Variants in DOCK5 observed in about 807,000 individuals in gnomAD.
DOCK5 encodes dedicator of cytokinesis protein 5.
DOCK5 carries 142 observed loss-of-function variants against 251.8 expected under a neutral mutation model. That is an observed-to-expected ratio of 0.56 (90% CI 0.49 to 0.65). The LOEUF is 0.65. Ranked by LOEUF, DOCK5 falls within the 30% of genes least tolerant of loss-of-function variation. DOCK5 has a pLI of 0.00. For synonymous variants in DOCK5, 842 were observed against 835.5 expected (o/e 1.01, Z -0.13); for missense variants, 2,111 against 2,312.3 (o/e 0.91, Z 1.79).
intron 23 of DOCK5, 130 bp downstream of exon 23, chr8:25,341,118 T>C (rs1805945852): frequency 3.3e-6 from 2 of 608,886 alleles, no homozygotes; most frequent in Non-Finnish European, 5.6e-6. Context: ...TGAATTTTAG[T>C]ATGATTTACA....
chr8:25,374,675 G>A (rs1308373238), intron 37 of DOCK5, 21 bp downstream of exon 37: 4 of 1,613,652 alleles, frequency 2.5e-6, no homozygotes, highest in Non-Finnish European at 3.4e-6. Context: ...CAGAGAGCTT[G>A]TTTCAACAGG....
At chr8:25,400,070 T>G in intron 46 of DOCK5, 76 bp downstream of exon 46, 1 of 1,167,366 alleles carries the variant, frequency 8.6e-7, no homozygotes, top group South Asian at 1.3e-5. Flanking sequence ...GGCTTAAGTC[T>G]ACAAGCCCAC....
chr8:25,299,238 T>TA (rs1804695814), intron 8 of DOCK5, 137 bp downstream of exon 8: 3 of 996,070 alleles, frequency 3.0e-6, no homozygotes, highest in African/African-American at 1.7e-5. Flanking sequence ...CAGTAGAATG[T>TA]AAAATCATAT....
intron 11 of DOCK5, among the ~76,000 whole-genome samples, chr8:25,307,986 C>T (rs1563196566): frequency 6.6e-6 from 1 of 152,128 alleles, no homozygotes; most frequent in Non-Finnish European, 1.5e-5. Flanking sequence ...TATAGCAATC[C>T]CATTTGCCAG....
intron 1 of DOCK5, among the ~76,000 whole-genome samples, chr8:25,228,315 T>C (rs1802581590): frequency 6.6e-6 from 1 of 152,204 alleles, no homozygotes; most frequent in Non-Finnish European, 1.5e-5. Flanking sequence ...TTAATACCCA[T>C]ACATGATGCA....
At chr8:25,402,767 C>T (rs771973393) in intron 47 of DOCK5, among the ~76,000 whole-genome samples, 17 of 152,028 alleles carry the variant, frequency 1.1e-4, no homozygotes, top group Non-Finnish European at 1.0e-4. Flanking sequence ...ATTCTTAAAC[C>T]CCTTATTTTC....
intron 1 of DOCK5, among the ~76,000 whole-genome samples, chr8:25,236,590 A>AT (rs1043331929): frequency 2.6e-4 from 40 of 151,322 alleles, no homozygotes; most frequent in Admixed American, 1.2e-3. Context: ...TCTTTTTTTT[A>AT]TTTTTTTTGA....
At chr8:25,380,223 C>A (rs2117300277) in intron 38 of DOCK5, 82 bp from the exon 39 acceptor site, 2 of 1,274,258 alleles carry the variant, frequency 1.6e-6, no homozygotes, top group East Asian at 5.1e-5. Flanking sequence ...TGCTCATTCC[C>A]AGTGACTCGC....
chr8:25,266,889 G>A (rs898644084), intron 2 of DOCK5, among the ~76,000 whole-genome samples: 3 of 152,134 alleles, frequency 2.0e-5, no homozygotes, highest in South Asian at 2.1e-4. Flanking sequence ...GCATAATTCC[G>A]TGATGAATGG....
rs767909611 is a variant in DOCK5, at chr8:25,358,970, T to C, written c.2858T>C (p.Phe953Ser). 5 of 1,613,838 alleles carry C rather than the reference T, an allele frequency of 3.1e-6. No individual in the cohort carries two copies. The highest frequency in any genetic ancestry group is 2.7e-5 in the African/African-American group (2 of 74,922). ...MNRQSPHIGS[F>S]VACMIALLQQ... The stretch of plus-strand genomic sequence containing the variant: ...CTTTCCTTTTCCTTCCAGGGGAGTT[T>C]TGTGGCTTGCATGATTGCCCTGCTG... Residue 953 changes from phenylalanine (F) to serine (S), a missense_variant, in exon 28 of 52, where the codon TTT becomes TCT. Around this residue, in one of 3 missense-constraint regions of DOCK5, gnomAD observed 1,717 missense variants for 1,892.4 expected, o/e 0.91. Coordinates refer to ENST00000276440, the MANE Select transcript of DOCK5 (RefSeq NM_024940.8).
intron 6 of DOCK5, among the ~76,000 whole-genome samples, chr8:25,293,529 C>T (rs11781872): frequency 0.35 from 52,652 of 152,026 alleles, 11,242 homozygotes; most frequent in Middle Eastern, 0.49. Context: ...TGATTTATTT[C>T]CCAGTCACAT....
rs1586320247 is a variant in DOCK5 at position 25,313,649 on chromosome 8, C to T, written c.1318+3117C>T. Reference sequence around the variant, plus strand: ...ATTTTCTCACAACAAAGGACAGGGACTGGAAATTCAACACCAAGGTGACAG... The same window carrying T: ...ATTTTCTCACAACAAAGGACAGGGATTGGAAATTCAACACCAAGGTGACAG... On this transcript the variant is annotated intron_variant, in intron 13 of 51. Transcript: ENST00000276440. Among the ~76,000 whole-genome samples, 6 of 152,164 alleles carry T rather than the reference C, an allele frequency of 3.9e-5. No homozygotes were observed. The East Asian group carries it at 1.2e-3, about 29-fold the overall frequency.
In DOCK5 at chr8:25,221,072, G is replaced by A. The variant is rs182055430; in HGVS notation, c.44-22602G>A. Among the ~76,000 whole-genome samples, 16 of 152,164 alleles carry A rather than the reference G, an allele frequency of 1.1e-4. No homozygotes were observed. The East Asian group carries it at 2.9e-3, about 28-fold the overall frequency. On this transcript the variant is annotated intron_variant, in intron 1 of 51. Transcript: ENST00000276440. ...ACCTCTCCAGTCTGTCCCTAACTGGGACCAAGCTACCTATATCACTTTATT... is the reference window on the plus strand; with the variant it reads ...ACCTCTCCAGTCTGTCCCTAACTGGAACCAAGCTACCTATATCACTTTATT...
intron 18 of DOCK5, 71 bp downstream of exon 18, chr8:25,325,618 ACAGG>A (rs1805545969): frequency 4.5e-6 from 7 of 1,548,412 alleles, no homozygotes; most frequent in Non-Finnish European, 6.1e-6. Flanking sequence ...GGTTAGGCTC[ACAGG>A]GCTGGACTAT....
chr8:25,230,964 C>T (rs2117518976), intron 1 of DOCK5, among the ~76,000 whole-genome samples: 1 of 152,284 alleles, frequency 6.6e-6, no homozygotes, highest in East Asian at 1.9e-4. Context: ...ACATGATTCT[C>T]AGTATATTAA....
chr8:25,395,742 C>T (rs751687113), intron 45 of DOCK5, 23 bp downstream of exon 45: 13 of 1,605,216 alleles, frequency 8.1e-6, no homozygotes, highest in African/African-American at 2.7e-5. Flanking sequence ...CCAGAATCCC[C>T]TAGGGATTCA....
intron 27 of DOCK5, among the ~76,000 whole-genome samples, chr8:25,358,707 G>C (rs1299747774): frequency 6.6e-6 from 1 of 152,172 alleles, no homozygotes; most frequent in East Asian, 1.9e-4. Context: ...ATCTCATTGA[G>C]GTGTCCTGTC....
At chr8:25,312,539 G>T (rs1805129138) in intron 13 of DOCK5, among the ~76,000 whole-genome samples, 1 of 152,108 alleles carries the variant, frequency 6.6e-6, no homozygotes, top group Non-Finnish European at 1.5e-5. Flanking sequence ...GAGGTGGGTG[G>T]ATCACTTGAG....
At chr8:25,356,218 T>C (rs1029361328) in intron 27 of DOCK5, among the ~76,000 whole-genome samples, 2 of 151,742 alleles carry the variant, frequency 1.3e-5, no homozygotes, top group African/African-American at 2.4e-5. Context: ...AAAAAATACA[T>C]AATAATGGAG....
Sources: gnomAD v4.1 joint callset for allele counts (sites outside exome capture counted in the v4.1 genomes callset) on GRCh38, gnomAD v4.1.1 for gene constraint, gnomAD v4.1.1 regional missense constraint, MANE v1.5 for transcripts, NCBI Gene and HGNC (gene_info 2026-07-23, HGNC 2026-07-21) for gene names.